Variants in ZMYM2 observed in about 807,000 individuals in gnomAD.
ZMYM2 encodes zinc finger MYM-type containing 2.
ZMYM2 carries 56 observed loss-of-function variants against 162.8 expected under a neutral mutation model. The ratio of observed to expected loss-of-function variants is 0.34; its 90% CI spans 0.28 to 0.43. ZMYM2 has a LOEUF of 0.43. Among genes scored for constraint, ZMYM2 ranks in the 20% least tolerant of loss-of-function variants. The probability of loss-of-function intolerance (pLI) is 1.00; values close to 1 mark genes in which losing one functional copy is unlikely to be tolerated. For missense variants in ZMYM2, 1,275 were observed against 1,621.8 expected, an observed-to-expected ratio of 0.79 and a Z score of 3.67; for synonymous variants, 510 against 541.6, an observed-to-expected ratio of 0.94 and a Z score of 0.81.
chr13:20,037,213 A>ATTTTTTTTTTTTT (rs754909177), intron 12 of ZMYM2, among the ~76,000 whole-genome samples: 1 of 90,382 alleles, frequency 1.1e-5, no homozygotes, highest in Non-Finnish European at 2.1e-5. Flanking sequence ...ACTAAGTAGA[A>ATTTTTTTTTTTTT]TTTTTTTTTT....
Position 20,066,749 on chromosome 13 carries a change from A to T in ZMYM2, c.3133-102A>T. On this transcript the variant is annotated intron_variant, in intron 19 of 24. Transcript: ENST00000610343. ...CTGCAGTTCAAACCCATGTTGCTCA[A>T]GGGTCAATTGTAATTTGCCTTTGTT... 3 of 1,183,328 alleles carry T rather than the reference A, an allele frequency of 2.5e-6. No homozygotes were observed. In the South Asian group the frequency reaches 6.2e-5, roughly 24 times the overall value. 73.3% of individuals were successfully genotyped at this position (1,183,328 alleles called of 1,614,324 possible).
chr13:20,051,859 C>A (rs1158619914), intron 13 of ZMYM2, among the ~76,000 whole-genome samples: 3 of 152,066 alleles, frequency 2.0e-5, no homozygotes, highest in African/African-American at 7.2e-5. Flanking sequence ...AGTGCTATAA[C>A]ACAAATTTTA....
At chr13:20,044,760 T>A (rs889685600) in intron 12 of ZMYM2, among the ~76,000 whole-genome samples, 1 of 151,992 alleles carries the variant, frequency 6.6e-6, no homozygotes, top group African/African-American at 2.4e-5. Flanking sequence ...GTAAAGCATG[T>A]GAAGACAGGC....
chr13:19,911,040 C>T, the ZMYM2 span, among the ~76,000 whole-genome samples: 2 of 141,514 alleles, frequency 1.4e-5, no homozygotes, highest in East Asian at 2.2e-4. Context: ...AGTCAGTTCC[C>T]AGTCTTTTTT....
intron 2 of ZMYM2, among the ~76,000 whole-genome samples, chr13:19,963,382 A>G (rs563761046): frequency 1.3e-5 from 2 of 152,356 alleles, no homozygotes; most frequent in African/African-American, 2.4e-5. Flanking sequence ...GCAGGTCTCC[A>G]ATATATAACA....
At chr13:20,067,426 T>C (rs1452676856) in intron 21 of ZMYM2, 36 bp downstream of exon 21, 2 of 1,544,186 alleles carry the variant, frequency 1.3e-6, no homozygotes, top group African/African-American at 2.7e-5. Context: ...AGTATAACAT[T>C]AATAAGAAAA....
the ZMYM2 span, among the ~76,000 whole-genome samples, chr13:19,912,292 GTT>G: frequency 0.21 from 15,656 of 75,804 alleles, 872 homozygotes; most frequent in African/African-American, 0.22. Context: ...TGTTTTTTGG[GTT>G]TTTTTTTTTT....
intron 2 of ZMYM2, among the ~76,000 whole-genome samples, chr13:19,961,011 C>G (rs71424017): frequency 4.5e-4 from 69 of 152,138 alleles, no homozygotes; most frequent in African/African-American, 1.4e-3. Context: ...ATACACCGTT[C>G]TAGGCACAGT....
Position 20,003,266 on chromosome 13 carries a change from G to A in ZMYM2, c.1133+131G>A, listed in dbSNP as rs561425555. 5 of 1,107,082 alleles carry A rather than the reference G, an allele frequency of 4.5e-6. No individual in the cohort carries two copies. The African/African-American group carries it at 6.4e-5, about 14-fold the overall frequency. 68.6% of individuals were successfully genotyped at this position (1,107,082 alleles called of 1,614,324 possible). A position where few individuals can be genotyped will look rare whatever the true frequency, so the allele number is the denominator to read the frequency against. The stretch of plus-strand genomic sequence containing the variant: ...AGTCCAGGTGGCATATGGATAAAAG[G>A]CTTCCTGTTTGGATGGCATTGGAGT... On this transcript the variant is annotated intron_variant, in intron 4 of 24. Transcript: ENST00000610343.
the ZMYM2 span, among the ~76,000 whole-genome samples, chr13:19,889,620 G>A: frequency 7.9e-5 from 12 of 151,896 alleles, no homozygotes; most frequent in Non-Finnish European, 1.6e-4. Flanking sequence ...GAATTTTTAC[G>A]TCTGGTGCCC....
chr13:20,076,787 T>G (rs1957535529), intron 21 of ZMYM2, among the ~76,000 whole-genome samples: 2 of 150,528 alleles, frequency 1.3e-5, no homozygotes, highest in Admixed American at 6.6e-5. Context: ...CATAGAGGAT[T>G]TCTAAGCTTA....
chr13:20,079,696 A>G (rs1957787133), intron 21 of ZMYM2, among the ~76,000 whole-genome samples: 1 of 152,234 alleles, frequency 6.6e-6, no homozygotes, highest in Non-Finnish European at 1.5e-5. Flanking sequence ...CAGATCATTT[A>G]TCATGGATTG....
intron 2 of ZMYM2, among the ~76,000 whole-genome samples, chr13:19,986,202 C>G (rs1444096627): frequency 6.8e-6 from 1 of 146,204 alleles, no homozygotes; most frequent in Non-Finnish European, 1.6e-5. Context: ...CTCAAAAAAA[C>G]AAACAAACAA....
chr13:20,082,202 AATATT>A, intron 22 of ZMYM2, 72 bp downstream of exon 22: 1 of 1,111,764 alleles, frequency 9.0e-7, no homozygotes, highest in Non-Finnish European at 1.3e-6. Flanking sequence ...TATGTTTGAA[AATATT>A]ATAATTAAGT....
At chr13:19,975,842 A>T (rs1474609005) in intron 2 of ZMYM2, among the ~76,000 whole-genome samples, 2 of 149,460 alleles carry the variant, frequency 1.3e-5, no homozygotes, top group Non-Finnish European at 3.0e-5. Context: ...TTTTTTTAAA[A>T]TTTTTCCTCC....
At chr13:20,063,065 C>T in intron 18 of ZMYM2, 94 bp downstream of exon 18, 1 of 1,327,820 alleles carries the variant, frequency 7.5e-7, no homozygotes, top group Non-Finnish European at 1.0e-6. Context: ...TGCCTTTTAG[C>T]AGTGTTCATA....
intron 21 of ZMYM2, among the ~76,000 whole-genome samples, chr13:20,067,641 A>G (rs567270148): frequency 1.6e-4 from 24 of 152,328 alleles, no homozygotes; most frequent in African/African-American, 5.5e-4. Context: ...GCTGATCTAC[A>G]TGTAAACAGA....
At chr13:19,961,028 C>T (rs1260151361) in intron 2 of ZMYM2, among the ~76,000 whole-genome samples, 1 of 151,954 alleles carries the variant, frequency 6.6e-6, no homozygotes. Context: ...CAGTCCAGGA[C>T]ACTTTCCTTT....
chr13:19,918,689 A>G, the ZMYM2 span, among the ~76,000 whole-genome samples: 2 of 151,398 alleles, frequency 1.3e-5, no homozygotes, highest in South Asian at 2.1e-4. Flanking sequence ...TAGTAGAGAC[A>G]GGTTTCATCA....
Sources: allele counts gnomAD v4.1 joint callset (sites outside exome capture counted in the v4.1 genomes callset), GRCh38; gene constraint gnomAD v4.1.1; transcripts MANE v1.5; gene names NCBI Gene and HGNC (gene_info 2026-07-23, HGNC 2026-07-21).